The following EVX1 variants were observed in gnomAD, a reference collection of about 807,000 sequenced individuals.
The protein encoded by EVX1 is even-skipped homeobox 1, also known as homeobox even-skipped homolog protein 1.
EVX1 carries 19 observed loss-of-function variants against 28.6 expected under a neutral mutation model. The observed-to-expected ratio is 0.67, with a 90% CI of 0.46 to 0.98. EVX1 has a LOEUF of 0.98. Ranked by LOEUF, EVX1 falls within the 50% of genes least tolerant of loss-of-function variation. The probability of loss-of-function intolerance (pLI) is 0.00; values close to 1 mark genes in which losing one functional copy is unlikely to be tolerated. For missense variants in EVX1, 660 were observed against 583.0 expected, an observed-to-expected ratio of 1.13 and a Z score of -1.36; for synonymous variants, 324 against 278.2, an observed-to-expected ratio of 1.16 and a Z score of -1.64.
chr7:27,246,076 C>T lies in EVX1; in HGVS notation c.875C>T (p.Ala292Val), dbSNP rs1422693564. 6.4e-7 allele frequency: 1 copy of T among 1,572,416 alleles called. No individual in the cohort carries two copies. Among genetic ancestry groups the T allele is most frequent in the Middle Eastern group, 1.7e-4 (1 of 5,834 alleles). Reference protein sequence around the residue: ...YSPVGLGAASAASAAASPFSG... With the variant: ...YSPVGLGAASVASAAASPFSG... The stretch of plus-strand genomic sequence containing the variant: ...CCGGTGGGCCTGGGCGCCGCATCCG[C>T]CGCCTCCGCCGCCGCCTCGCCCTTC... The change falls in exon 3 of 3, where the codon GCC becomes GTC. Residue 292 changes from alanine (A) to valine (V), a missense_variant. Transcript: ENST00000496902.
chr7:27,244,947 C>A lies in EVX1; in HGVS notation c.428-101C>A. The A allele has an allele frequency of 4.0e-6, 6 of 1,495,134 alleles. No individual in the cohort carries two copies. In the Admixed American group the frequency reaches 1.2e-4, roughly 29 times the overall value. The allele number at this position is 1,495,134 out of a possible 1,614,324, so 92.6% of individuals were successfully genotyped here. ...GTTACTGAGGTGGCTGACAGGGTGT[C>A]CCTTCCCAAATCACCCTCCCACCTT... On this transcript the variant is annotated intron_variant, in intron 1 of 2. Transcript: ENST00000496902.
Position 27,243,224 on chromosome 7 carries a change from CG to C in EVX1, c.196del (p.Glu66ArgfsTer5). The C allele has an allele frequency of 6.5e-7, 1 of 1,550,174 alleles. No homozygotes were observed. On this transcript the variant is annotated frameshift_variant, in exon 1 of 3. Coordinates refer to ENST00000496902, the MANE Select transcript of EVX1 (RefSeq NM_001989.5). LOFTEE classifies it high-confidence loss of function. ...ACCCGGGAGCGCGGCGGGGGAGGCC[CG>C]GAGGAGGAGCCGGTAGATGGACTCG... ...PATRERGGGGPEEEPVDGLAG... is the reference protein window; with the variant it reads ...PATRERGGGGXEEEPVDGLAG...
intron 1 of EVX1, 40 bp downstream of exon 1, chr7:27,243,497 C>A (rs1248043455): frequency 4.6e-6 from 7 of 1,535,530 alleles, no homozygotes; most frequent in South Asian, 2.5e-5. Flanking sequence ...CCTCCCACTG[C>A]GCCCACCCTT....
chr7:27,246,140 G>A lies in EVX1; in HGVS notation c.939G>A (p.Leu313=). Residue 313 remains leucine, a synonymous_variant, in exon 3 of 3, where the codon CTG becomes CTA. Coordinates refer to ENST00000496902, the MANE Select transcript of EVX1 (RefSeq NM_001989.5). ...SLRPLDTFRV[L]SQPYPRPELL... ...GCCCGCTCGACACGTTCCGCGTGCTGTCGCAGCCCTACCCGCGGCCCGAAC... is the reference window on the plus strand; with the variant it reads ...GCCCGCTCGACACGTTCCGCGTGCTATCGCAGCCCTACCCGCGGCCCGAAC... 1 of 1,522,530 alleles carries A rather than the reference G, an allele frequency of 6.6e-7. No individual in the cohort carries two copies. The highest frequency in any genetic ancestry group is 8.7e-7 in the Non-Finnish European group (1 of 1,144,922). The allele number at this position is 1,522,530 out of a possible 1,614,324, so 94.3% of individuals were successfully genotyped here.
intron 1 of EVX1, among the ~76,000 whole-genome samples, chr7:27,244,129 G>A (rs1017566093): frequency 6.6e-6 from 1 of 152,242 alleles, no homozygotes; most frequent in African/African-American, 2.4e-5. Flanking sequence ...GCAGGGGGCT[G>A]GAGCCCCACC....
chr7:27,243,468 T>G lies in EVX1; in HGVS notation c.427+11T>G. The G allele has an allele frequency of 1.3e-6, 2 of 1,565,588 alleles. No homozygotes were observed. Among genetic ancestry groups the G allele is most frequent in the African/African-American group, 2.7e-5 (2 of 72,912 alleles). ...ACCAGCACAGCAAAGGTAGCCACCGTGCCCCTCCGCTCCCCGGGCCTCCCA... is the reference window on the plus strand; with the variant it reads ...ACCAGCACAGCAAAGGTAGCCACCGGGCCCCTCCGCTCCCCGGGCCTCCCA... On this transcript the variant is annotated intron_variant, in intron 1 of 2. Coordinates refer to ENST00000496902, the MANE Select transcript of EVX1 (RefSeq NM_001989.5).
chr7:27,243,593 A>C lies in EVX1; in HGVS notation c.427+136A>C, dbSNP rs780361632. ...ACCCACCTGAGCAACTCTCTCTGCTATCTGCGTTCTGGCGGGGGTCTCCTA... is the reference window on the plus strand; with the variant it reads ...ACCCACCTGAGCAACTCTCTCTGCTCTCTGCGTTCTGGCGGGGGTCTCCTA... On this transcript the variant is annotated intron_variant, in intron 1 of 2. Coordinates refer to ENST00000496902, the MANE Select transcript of EVX1 (RefSeq NM_001989.5). 1.2e-5 allele frequency: 11 copies of C among 942,554 alleles called. No individual in the cohort carries two copies. In the African/African-American group the frequency reaches 1.9e-4, roughly 16 times the overall value. 58.4% of individuals were successfully genotyped at this position (942,554 alleles called of 1,614,324 possible).
Position 27,246,049 on chromosome 7 carries a change from C to A in EVX1, c.848C>A (p.Ser283Ter), listed in dbSNP as rs750616964. ...TCGCACCTGCCCCTGCCCTACTACT[C>A]GCCGGTGGGCCTGGGCGCCGCATCC... ...FPSHLPLPYY[S>*]PVGLGAASAA... The change falls in exon 3 of 3, where the codon TCG becomes TAG. Residue 283 changes from serine (S) to a stop codon, truncating the protein, a stop_gained. Transcript: ENST00000496902. LOFTEE classifies it high-confidence loss of function. The A allele has an allele frequency of 1.0e-5, 16 of 1,589,140 alleles. No homozygotes were observed. The highest frequency in any genetic ancestry group is 1.2e-5 in the Non-Finnish European group (14 of 1,175,526).
intron 1 of EVX1, chr7:27,244,539 C>G: frequency 1.0e-6 from 1 of 976,208 alleles, no homozygotes; most frequent in South Asian, 4.7e-5. Flanking sequence ...AGATACTCAA[C>G]ATGCATTCTC....
rs986908325 is a variant in EVX1, at chr7:27,244,993, A to G, written c.428-55A>G. The G allele has an allele frequency of 3.2e-6, 5 of 1,571,672 alleles. No homozygotes were observed. The South Asian group carries it at 4.5e-5, about 14-fold the overall frequency. ...ACCTTAGGCCTACAGCCCCACTTCA[A>G]TGGCGTTTGTGTGTCTGTGTCTGTA... On this transcript the variant is annotated intron_variant, in intron 1 of 2. Transcript: ENST00000496902.
chr7:27,246,028 A>C lies in EVX1; in HGVS notation c.827A>C (p.His276Pro). ...GGCCTGCCCTACCCCTTCCCATCGC[A>C]CCTGCCCCTGCCCTACTACTCGCCG... ...AGGLPYPFPS[H>P]LPLPYYSPVG... Residue 276 changes from histidine to proline, a missense_variant, in exon 3 of 3, where the codon CAC becomes CCC. Coordinates refer to ENST00000496902, the MANE Select transcript of EVX1 (RefSeq NM_001989.5). The C allele has an allele frequency of 1.3e-6, 2 of 1,597,288 alleles. No homozygotes were observed. The highest frequency in any genetic ancestry group is 8.5e-7 in the Non-Finnish European group (1 of 1,178,894).
chr7:27,245,977 T>G lies in EVX1; in HGVS notation c.776T>G (p.Met259Arg). ...GCGGACCCCGCCTTCTACACTTACA[T>G]GATGAGCCATGCGGCGGCCGCGGGC... The part of the protein sequence containing the change: ...HPADPAFYTY[M>R]MSHAAAAGGL... The change falls in exon 3 of 3, where the codon ATG becomes AGG. Residue 259 changes from methionine to arginine, a missense_variant. Met to Arg is a moderately conservative substitution (Grantham distance 91). This residue lies in a region of EVX1 where 299 missense variants were observed against 241.3 expected (regional missense o/e 1.24). Transcript: ENST00000496902. 1.2e-6 allele frequency: 2 copies of G among 1,605,984 alleles called. No individual in the cohort carries two copies. Among genetic ancestry groups the G allele is most frequent in the Non-Finnish European group, 1.7e-6 (2 of 1,179,776 alleles).
chr7:27,243,297 G>T lies in EVX1; in HGVS notation c.267G>T (p.Ala89=). 6.4e-7 allele frequency: 1 copy of T among 1,558,956 alleles called. No homozygotes were observed. Among genetic ancestry groups the T allele is most frequent in the Non-Finnish European group, 8.7e-7 (1 of 1,153,110 alleles). ...GPGAEPQVAG[A]AMLGPGPPAP... is the part of the protein sequence containing the mutation. ...GCGCCGAGCCCCAGGTAGCTGGGGC[G>T]GCCATGCTCGGCCCAGGACCCCCGG... Residue 89 remains alanine, a synonymous_variant, in exon 1 of 3, where the codon GCG becomes GCT. Coordinates refer to ENST00000496902, the MANE Select transcript of EVX1 (RefSeq NM_001989.5).
intron 1 of EVX1, 38 bp from the exon 2 acceptor site, chr7:27,245,010 G>C: frequency 1.3e-6 from 2 of 1,591,082 alleles, no homozygotes; most frequent in Non-Finnish European, 1.7e-6. Flanking sequence ...TTGTGTGTCT[G>C]TGTCTGTACA....
rs757366363 is a variant in EVX1 at position 27,245,954 on chromosome 7, G to A, written c.753G>A (p.Ala251=). The A allele has an allele frequency of 1.2e-6, 2 of 1,609,460 alleles. No individual in the cohort carries two copies. Among genetic ancestry groups the A allele is most frequent in the Admixed American group, 1.7e-5 (1 of 59,964 alleles). ...QRLAMTWPHP[A]DPAFYTYMMS... ...TGGCCATGACGTGGCCGCACCCGGCGGACCCCGCCTTCTACACTTACATGA... is the reference window on the plus strand; with the variant it reads ...TGGCCATGACGTGGCCGCACCCGGCAGACCCCGCCTTCTACACTTACATGA... The change falls in exon 3 of 3, where the codon GCG becomes GCA. Residue 251 remains alanine, a synonymous_variant. Coordinates refer to ENST00000496902, the MANE Select transcript of EVX1 (RefSeq NM_001989.5).
rs7795470 is a variant in EVX1, at chr7:27,246,764, T to C, written c.*339T>C. The C allele has an allele frequency of 0.99, 338,855 of 343,606 alleles. 167,089 individuals are homozygous for C. The highest frequency in any genetic ancestry group is 1 in the East Asian group (13,256 of 13,258). The allele number at this position is 343,606 out of a possible 1,614,324, so 21.3% of individuals were successfully genotyped here. ...AGCAGCAACAGCAACCAATATCCAG[T>C]CCCTCGGCCCCTCGGCCCCTCACCC... is the stretch of plus-strand genomic sequence containing the variant. On this transcript the variant is annotated 3_prime_UTR_variant, in exon 3 of 3. Coordinates refer to ENST00000496902, the MANE Select transcript of EVX1 (RefSeq NM_001989.5).
rs1783214364 is a variant in EVX1 at position 27,247,089 on chromosome 7, C to T, written c.*664C>T. The T allele has an allele frequency of 6.6e-6, 1 of 152,456 alleles. No individual in the cohort carries two copies. 9.4% of individuals were successfully genotyped at this position (152,456 alleles called of 1,614,324 possible). A position where few individuals can be genotyped will look rare whatever the true frequency, so the allele number is the denominator to read the frequency against. ...GCGTCTGCCAGCACCTGATCTCTTT[C>T]CTCATTCCCAGCTTTGTGACACTTC... On this transcript the variant is annotated 3_prime_UTR_variant, in exon 3 of 3. Coordinates refer to ENST00000496902, the MANE Select transcript of EVX1 (RefSeq NM_001989.5).
Position 27,245,928 on chromosome 7 carries a change from C to A in EVX1, c.727C>A (p.Leu243Met). 1 of 1,611,758 alleles carries A rather than the reference C, an allele frequency of 6.2e-7. No homozygotes were observed. ...GCGCATGAAGGACAAGCGGCAGCGC[C>A]TGGCCATGACGTGGCCGCACCCGGC... ...NRRMKDKRQR[L>M]AMTWPHPADP... is the part of the protein sequence containing the mutation. Residue 243 changes from leucine to methionine, a missense_variant, in exon 3 of 3, where the codon CTG becomes ATG. Transcript: ENST00000496902.
Position 27,243,405 on chromosome 7 carries a change from G to A in EVX1, c.375G>A (p.Val125=). ...TESDFYEEIE[V]SCTPDCATGN... ...CGGATTTCTATGAAGAAATCGAGGT[G>A]AGCTGCACCCCGGACTGCGCCACCG... The change falls in exon 1 of 3, where the codon GTG becomes GTA. Residue 125 remains valine, a synonymous_variant. Transcript: ENST00000496902. 6.2e-7 allele frequency: 1 copy of A among 1,611,870 alleles called. No homozygotes were observed. The highest frequency in any genetic ancestry group is 8.5e-7 in the Non-Finnish European group (1 of 1,179,642).
Sources: gnomAD v4.1 joint callset for allele counts (sites outside exome capture counted in the v4.1 genomes callset) on GRCh38, gnomAD v4.1.1 for gene constraint, gnomAD v4.1.1 regional missense constraint, MANE v1.5 for transcripts, NCBI Gene and HGNC (gene_info 2026-07-23, HGNC 2026-07-21) for gene names.